KHDRBS2: variants seen among roughly 807,000 people sequenced by gnomAD.
KHDRBS2 encodes the protein KH RNA binding domain containing, signal transduction associated 2.
KHDRBS2 carries 26 observed loss-of-function variants against 44.3 expected under a neutral mutation model. That is an observed-to-expected ratio of 0.59 (90% CI 0.43 to 0.81). The LOEUF is 0.81. KHDRBS2 is among the 40% of genes least tolerant of loss of function. The pLI is 0.00. For synonymous variants in KHDRBS2, 194 were observed against 151.1 expected (o/e 1.28, Z -2.08); for missense variants, 476 against 433.1 (o/e 1.10, Z -0.88).
intron 6 of KHDRBS2, among the ~76,000 whole-genome samples, chr6:61,838,415 ATATTATAC>A (rs1793061899): frequency 6.6e-6 from 1 of 152,008 alleles, no homozygotes; most frequent in South Asian, 2.1e-4. Flanking sequence ...GCTAATGTTT[ATATTATAC>A]TTATTTCTTG....
the KHDRBS2 span, among the ~76,000 whole-genome samples, chr6:61,573,253 C>T: frequency 6.6e-6 from 1 of 152,094 alleles, no homozygotes; most frequent in Non-Finnish European, 1.5e-5. Flanking sequence ...TAGGAATATA[C>T]TTAACTAAGG....
intron 6 of KHDRBS2, among the ~76,000 whole-genome samples, chr6:61,799,395 C>T (rs1021576577): frequency 1.7e-4 from 26 of 151,544 alleles, no homozygotes; most frequent in Non-Finnish European, 3.2e-4. Flanking sequence ...TTCTTTTTTA[C>T]ATAGTTCATG....
intron 4 of KHDRBS2, among the ~76,000 whole-genome samples, chr6:61,977,564 T>C (rs1174293193): frequency 2.6e-5 from 4 of 152,134 alleles, no homozygotes; most frequent in Non-Finnish European, 5.9e-5. Flanking sequence ...TGATTTTATA[T>C]TATGTTTTAT....
intron 6 of KHDRBS2, among the ~76,000 whole-genome samples, chr6:61,887,166 AC>A (rs145212777): frequency 0.027 from 4,111 of 152,258 alleles, 77 homozygotes; most frequent in Middle Eastern, 0.044. Context: ...CAGTTTCTTT[AC>A]CTACTAAAAT....
intron 6 of KHDRBS2, among the ~76,000 whole-genome samples, chr6:61,752,019 A>T (rs1938391): frequency 6.6e-6 from 1 of 151,998 alleles, no homozygotes; most frequent in Non-Finnish European, 1.5e-5. Flanking sequence ...CTGCCTAATG[A>T]CCCCATTTTA....
intron 2 of KHDRBS2, among the ~76,000 whole-genome samples, chr6:62,089,138 G>T (rs532296776): frequency 3.3e-5 from 5 of 152,014 alleles, no homozygotes; most frequent in Non-Finnish European, 7.4e-5. Context: ...TCATACCAGT[G>T]TATCTCAGCT....
chr6:62,153,636 A>T (rs1815708330), intron 2 of KHDRBS2, among the ~76,000 whole-genome samples: 1 of 152,152 alleles, frequency 6.6e-6, no homozygotes, highest in Non-Finnish European at 1.5e-5. Context: ...ATGGCCAAAT[A>T]TGATCATTGC....
intron 6 of KHDRBS2, among the ~76,000 whole-genome samples, chr6:61,809,041 T>C (rs1005807396): frequency 2.0e-5 from 3 of 152,044 alleles, no homozygotes; most frequent in Non-Finnish European, 2.9e-5. Flanking sequence ...ATTTTCTGAA[T>C]ATGTATTCCT....
At chr6:61,766,123 G>T (rs1309528234) in intron 6 of KHDRBS2, among the ~76,000 whole-genome samples, 7 of 150,632 alleles carry the variant, frequency 4.6e-5, no homozygotes, top group African/African-American at 1.7e-4. Context: ...TTTTTTTGCT[G>T]GAAGACTTTT....
At chr6:61,939,848 T>C (rs1466309588) in intron 4 of KHDRBS2, among the ~76,000 whole-genome samples, 1 of 152,180 alleles carries the variant, frequency 6.6e-6, no homozygotes, top group Non-Finnish European at 1.5e-5. Context: ...AAATTATAGA[T>C]TTCCTATCAA....
chr6:62,275,419 G>C (rs1304684996), intron 1 of KHDRBS2, among the ~76,000 whole-genome samples: 1 of 152,124 alleles, frequency 6.6e-6, no homozygotes, highest in African/African-American at 2.4e-5. Flanking sequence ...TGGAGACATG[G>C]ATGATTCTTA....
chr6:62,161,372 A>T (rs1380406485), intron 2 of KHDRBS2, among the ~76,000 whole-genome samples: 1 of 151,576 alleles, frequency 6.6e-6, no homozygotes, highest in African/African-American at 2.4e-5. Context: ...AAATATAATA[A>T]TATAAAATAA....
chr6:62,172,922 G>A (rs922758605), intron 2 of KHDRBS2, among the ~76,000 whole-genome samples: 5 of 150,326 alleles, frequency 3.3e-5, no homozygotes, highest in Non-Finnish European at 7.4e-5. Context: ...AGAGTCACTG[G>A]GACACAACTA....
chr6:61,745,368 A>G (rs1304854520), intron 6 of KHDRBS2, among the ~76,000 whole-genome samples: 2 of 152,194 alleles, frequency 1.3e-5, no homozygotes, highest in African/African-American at 4.8e-5. Context: ...ATCAGGTAGC[A>G]ATCTGTTCAA....
At chr6:61,690,758 A>G (rs1365571679) in intron 8 of KHDRBS2, among the ~76,000 whole-genome samples, 2 of 152,180 alleles carry the variant, frequency 1.3e-5, no homozygotes, top group East Asian at 3.9e-4. Context: ...ACCTTCAAAA[A>G]TGCAAATGAC....
At chr6:62,002,548 A>G (rs1312175636) in intron 3 of KHDRBS2, among the ~76,000 whole-genome samples, 1 of 151,306 alleles carries the variant, frequency 6.6e-6, no homozygotes, top group Non-Finnish European at 1.5e-5. Context: ...ACAGCATTTA[A>G]CCTTTTAAAT....
chr6:61,777,389 G>A (rs960425951), intron 6 of KHDRBS2, among the ~76,000 whole-genome samples: 1 of 152,242 alleles, frequency 6.6e-6, no homozygotes, highest in East Asian at 1.9e-4. Flanking sequence ...AAACAGTGCA[G>A]TTTGCCATGC....
chr6:61,780,796 C>T (rs574392934), intron 6 of KHDRBS2, among the ~76,000 whole-genome samples: 94 of 87,122 alleles, frequency 1.1e-3, no homozygotes, highest in African/African-American at 5.6e-3. Flanking sequence ...ATACCTCTTG[C>T]TACCCACTGT....
chr6:61,546,166 T>C, the KHDRBS2 span, among the ~76,000 whole-genome samples: 1 of 151,960 alleles, frequency 6.6e-6, no homozygotes, highest in Non-Finnish European at 1.5e-5. Context: ...TGACAAGTTT[T>C]CTGACAAAAT....
Sources: allele counts gnomAD v4.1 joint callset (sites outside exome capture counted in the v4.1 genomes callset), GRCh38; gene constraint gnomAD v4.1.1; transcripts MANE v1.5; gene names NCBI Gene and HGNC (gene_info 2026-07-23, HGNC 2026-07-21).